DRC4: variants seen among roughly 807,000 people sequenced by gnomAD.
DRC4 encodes the protein dynein regulatory complex subunit 4.
At chr16:90,030,292 G>A in the DRC4 span, among the ~76,000 whole-genome samples, 1 of 151,952 alleles carries the variant, frequency 6.6e-6, no homozygotes, top group African/African-American at 2.4e-5. Context: ...TTGGGTTAAT[G>A]TGATATTTCT....
the DRC4 span, among the ~76,000 whole-genome samples, chr16:90,040,794 C>T: frequency 3.3e-5 from 5 of 151,334 alleles, no homozygotes; most frequent in Non-Finnish European, 5.9e-5. Context: ...GTTGGAGAGC[C>T]GCCAGGAGGC....
At chr16:90,044,255 A>T in the DRC4 span, 5 of 450,728 alleles carry the variant, frequency 1.1e-5, no homozygotes, top group East Asian at 2.8e-4. Context: ...GAGGGGATGA[A>T]TCACCCTTGG....
At chr16:90,036,481 C>T in the DRC4 span, 6 of 1,614,176 alleles carry the variant, frequency 3.7e-6, no homozygotes, top group South Asian at 5.5e-5. Flanking sequence ...GGAAGAATGG[C>T]CAGATCCACA....
chr16:90,027,756 T>A, the DRC4 span: 1 of 1,130,438 alleles, frequency 8.8e-7, no homozygotes, highest in Non-Finnish European at 1.3e-6. Context: ...AGTCCCCGGG[T>A]GGGCGTGGGC....
chr16:90,044,914 T>C, the DRC4 span: 1 of 219,856 alleles, frequency 4.5e-6, no homozygotes, highest in South Asian at 6.2e-5. Flanking sequence ...ATTTTCTCTA[T>C]GCATAAGTAT....
the DRC4 span, chr16:90,043,696 G>A: frequency 2.0e-6 from 1 of 506,200 alleles, no homozygotes; most frequent in Non-Finnish European, 4.0e-6. Flanking sequence ...TCGCGCCACT[G>A]TTGTCCCACC....
chr16:90,040,197 G>A, the DRC4 span: 1 of 1,117,250 alleles, frequency 9.0e-7, no homozygotes. Context: ...CTGTTGGGAG[G>A]CAGCGTGTTC....
chr16:90,042,747 C>T, the DRC4 span, among the ~76,000 whole-genome samples: 2 of 152,202 alleles, frequency 1.3e-5, no homozygotes, highest in African/African-American at 4.8e-5. Context: ...GGCCATGTCT[C>T]TGCTGGGATG....
chr16:90,036,690 C>T, the DRC4 span: 1 of 956,594 alleles, frequency 1.0e-6, no homozygotes, highest in Non-Finnish European at 1.7e-6. Flanking sequence ...CCAACACACC[C>T]AGTACTTTTT....
the DRC4 span, chr16:90,022,685 G>A: frequency 3.5e-6 from 5 of 1,422,572 alleles, no homozygotes; most frequent in Non-Finnish European, 3.7e-6. Context: ...CGGGCGCCCT[G>A]GTCCCGGAGT....
At chr16:90,040,344 C>T in the DRC4 span, 2 of 1,604,676 alleles carry the variant, frequency 1.2e-6, no homozygotes, top group Non-Finnish European at 1.7e-6. Flanking sequence ...TCACCGCAGC[C>T]ATCCAGGAGG....
chr16:90,025,690 C>T, the DRC4 span, among the ~76,000 whole-genome samples: 76 of 145,586 alleles, frequency 5.2e-4, no homozygotes, highest in African/African-American at 1.9e-3. Flanking sequence ...TCAAGACCAG[C>T]CTGGCCAACA....
At chr16:90,034,943 G>T in the DRC4 span, among the ~76,000 whole-genome samples, 1 of 95,122 alleles carries the variant, frequency 1.1e-5, no homozygotes, top group African/African-American at 4.2e-5. Context: ...TGCTCTTGTT[G>T]CCCAGGCTGG....
the DRC4 span, chr16:90,039,904 C>G: frequency 1.7e-5 from 5 of 290,442 alleles, no homozygotes; most frequent in Admixed American, 8.5e-5. Flanking sequence ...CCAAGGGGCC[C>G]CACCTGCAAG....
chr16:90,036,869 T>G, the DRC4 span: 1 of 589,196 alleles, frequency 1.7e-6, no homozygotes, highest in South Asian at 1.9e-5. Context: ...GGAACCGCAG[T>G]GAGGGCCGTG....
the DRC4 span, chr16:90,037,150 G>T: frequency 7.1e-7 from 1 of 1,412,644 alleles, no homozygotes; most frequent in South Asian, 1.5e-5. Flanking sequence ...GGGCAGGAGA[G>T]CACCCAGCTC....
At chr16:90,022,775 C>T in the DRC4 span, 2 of 1,320,576 alleles carry the variant, frequency 1.5e-6, no homozygotes, top group South Asian at 3.7e-5. Context: ...GCCCGGAGAC[C>T]TCGGGGCAGG....
At chr16:90,044,807 T>C in the DRC4 span, 1 of 277,930 alleles carries the variant, frequency 3.6e-6, no homozygotes, top group Non-Finnish European at 7.3e-6. Context: ...GCCCTGTCTT[T>C]AGGAAATCAC....
At chr16:90,035,642 G>T in the DRC4 span, 2 of 1,614,168 alleles carry the variant, frequency 1.2e-6, no homozygotes, top group Non-Finnish European at 1.7e-6. Flanking sequence ...GAAACACACC[G>T]AGGAGATCAC....
Sources: allele counts gnomAD v4.1 joint callset (sites outside exome capture counted in the v4.1 genomes callset), GRCh38; gene constraint gnomAD v4.1.1; transcripts MANE v1.5; gene names NCBI Gene and HGNC (gene_info 2026-07-23, HGNC 2026-07-21).